The following ARB2A variants were observed in gnomAD, a reference collection of about 807,000 sequenced individuals.
The protein encoded by ARB2A is ARB2 cotranscriptional regulator A, also known as cotranscriptional regulator ARB2A.
chr5:93,620,715 A>G, the ARB2A span: 3 of 327,458 alleles, frequency 9.2e-6, no homozygotes, highest in East Asian at 5.0e-5. Flanking sequence ...CGGCCGAGCC[A>G]GGCAGGGCGC....
the ARB2A span, among the ~76,000 whole-genome samples, chr5:93,631,803 GA>G: frequency 6.7e-6 from 1 of 148,622 alleles, no homozygotes; most frequent in South Asian, 2.2e-4. Context: ...GGGATAGGGA[GA>G]GGGGGAGAGG....
the ARB2A span, among the ~76,000 whole-genome samples, chr5:93,961,577 G>A: frequency 6.6e-6 from 1 of 152,008 alleles, no homozygotes; most frequent in Non-Finnish European, 1.5e-5. Context: ...CCAGCTACTT[G>A]GCAAGCTGAG....
chr5:94,064,985 AAAC>A, the ARB2A span, among the ~76,000 whole-genome samples: 60 of 152,236 alleles, frequency 3.9e-4, 2 homozygotes, highest in Admixed American at 3.9e-3. Context: ...CTACAACAAT[AAAC>A]AATAAGAGAA....
the ARB2A span, among the ~76,000 whole-genome samples, chr5:94,069,448 T>G: frequency 6.6e-6 from 1 of 152,168 alleles, no homozygotes; most frequent in African/African-American, 2.4e-5. Context: ...TACATTAAAC[T>G]AAACAGCTCC....
chr5:93,836,761 C>G, the ARB2A span, among the ~76,000 whole-genome samples: 2 of 152,094 alleles, frequency 1.3e-5, no homozygotes, highest in Admixed American at 6.5e-5. Context: ...AAAACATATT[C>G]AAAATTGAAG....
At chr5:93,772,451 T>TATA in the ARB2A span, among the ~76,000 whole-genome samples, 1 of 151,884 alleles carries the variant, frequency 6.6e-6, no homozygotes, top group Admixed American at 6.6e-5. Flanking sequence ...AAACTTAAAG[T>TATA]ATAATAATAA....
chr5:93,862,481 A>G, the ARB2A span: 2 of 152,258 alleles, frequency 1.3e-5, no homozygotes, highest in Non-Finnish European at 2.9e-5. Context: ...TGCATTAAAT[A>G]TAAGCCTTTC....
At chr5:93,736,745 G>A in the ARB2A span, 1 of 152,048 alleles carries the variant, frequency 6.6e-6, no homozygotes, top group Non-Finnish European at 1.5e-5. Context: ...CAGAGAAACT[G>A]TCAAAAACCC....
At chr5:93,814,570 A>C in the ARB2A span, among the ~76,000 whole-genome samples, 1 of 152,202 alleles carries the variant, frequency 6.6e-6, no homozygotes, top group African/African-American at 2.4e-5. Context: ...TACTGTATGG[A>C]TCTTTATACT....
chr5:93,754,470 T>C, the ARB2A span, among the ~76,000 whole-genome samples: 2 of 152,144 alleles, frequency 1.3e-5, no homozygotes, highest in Admixed American at 1.3e-4. Flanking sequence ...AGGGAGCACA[T>C]TTGGAGGGGG....
At chr5:93,731,408 A>G in the ARB2A span, among the ~76,000 whole-genome samples, 1 of 152,170 alleles carries the variant, frequency 6.6e-6, no homozygotes, top group Non-Finnish European at 1.5e-5. Context: ...TCCTTCCCTC[A>G]AAACCCTCAC....
chr5:93,859,396 A>G, the ARB2A span, among the ~76,000 whole-genome samples: 1 of 152,112 alleles, frequency 6.6e-6, no homozygotes, highest in African/African-American at 2.4e-5. Context: ...CCTAAATGTG[A>G]AAGGAAAAAC....
the ARB2A span, among the ~76,000 whole-genome samples, chr5:93,964,189 T>C: frequency 6.0e-4 from 91 of 152,020 alleles, no homozygotes; most frequent in African/African-American, 2.2e-3. Flanking sequence ...CAGGTAAGGG[T>C]AATCCTTTTA....
chr5:94,067,309 C>T, the ARB2A span, among the ~76,000 whole-genome samples: 48 of 152,290 alleles, frequency 3.2e-4, no homozygotes, highest in Admixed American at 1.4e-3. Flanking sequence ...TTCACTACTC[C>T]TATTCAGCAT....
the ARB2A span, among the ~76,000 whole-genome samples, chr5:93,822,294 A>G: frequency 8.5e-5 from 13 of 152,186 alleles, no homozygotes; most frequent in Non-Finnish European, 2.9e-5. Flanking sequence ...AAGTGGAACA[A>G]AAGTGGAGAA....
the ARB2A span, among the ~76,000 whole-genome samples, chr5:93,769,165 A>G: frequency 6.6e-6 from 1 of 152,310 alleles, no homozygotes; most frequent in Non-Finnish European, 1.5e-5. Context: ...AGTATTAAAT[A>G]AGCGTGTATG....
chr5:93,903,543 T>G, the ARB2A span, among the ~76,000 whole-genome samples: 2 of 152,038 alleles, frequency 1.3e-5, no homozygotes, highest in Non-Finnish European at 2.9e-5. Context: ...GCCATGTATT[T>G]TTCAGTAAAT....
the ARB2A span, among the ~76,000 whole-genome samples, chr5:93,705,609 A>ATGTGTG: frequency 0.03 from 3,859 of 128,522 alleles, 68 homozygotes; most frequent in Middle Eastern, 0.062. Context: ...TTGGGAAAAA[A>ATGTGTG]TGTGTGTGTG....
At chr5:93,657,551 T>C in the ARB2A span, among the ~76,000 whole-genome samples, 1 of 152,320 alleles carries the variant, frequency 6.6e-6, no homozygotes, top group African/African-American at 2.4e-5. Context: ...GGTTATGCCA[T>C]AACCTTATAT....
Sources: allele counts gnomAD v4.1 joint callset (sites outside exome capture counted in the v4.1 genomes callset), GRCh38; gene constraint gnomAD v4.1.1; transcripts MANE v1.5; gene names NCBI Gene and HGNC (gene_info 2026-07-23, HGNC 2026-07-21).